The following CCND2 variants were observed in gnomAD, a reference collection of about 807,000 sequenced individuals.
CCND2 encodes the protein cyclin D2, also known as G1/S-specific cyclin-D2.
Under a neutral mutation model 30.2 loss-of-function variants are expected in CCND2, and 6 were observed. That is an observed-to-expected ratio of 0.20 (90% CI 0.11 to 0.39). The LOEUF (loss-of-function observed/expected upper bound fraction) is 0.39, where lower values mean the gene tolerates loss of function less well. Ranked by LOEUF, CCND2 falls within the 10% of genes least tolerant of loss-of-function variation. The pLI is 1.00. For missense variants in CCND2, 235 were observed against 373.4 expected (o/e 0.63, Z 3.06); for synonymous variants, 150 against 153.1 (o/e 0.98, Z 0.15).
In CCND2 at chr12:4,273,951, C is replaced by T; in HGVS notation, c.-90C>T. The T allele has an allele frequency of 1.6e-6, 2 of 1,276,308 alleles. No individual in the cohort carries two copies. Among genetic ancestry groups the T allele is most frequent in the Non-Finnish European group, 2.1e-6 (2 of 930,402 alleles). The allele number at this position is 1,276,308 out of a possible 1,614,324, so 79.1% of individuals were successfully genotyped here. ...AGCCAAAGGAAGGAGGTCAGGGGAA[C>T]GCTCTCCCCTCCCCTTCCAAAAAAC... On this transcript the variant is annotated 5_prime_UTR_variant, in exon 1 of 5. It adds an upstream start codon to the 5' untranslated region. Coordinates refer to ENST00000261254, the MANE Select transcript of CCND2 (RefSeq NM_001759.4). This position sits in a 1 kb window ranked among gnomAD's most constrained non-coding sequence, Gnocchi z 5.9.
At chr12:4,280,365 C>T (rs1863932049) in intron 3 of CCND2, among the ~76,000 whole-genome samples, 1 of 152,238 alleles carries the variant, frequency 6.6e-6, no homozygotes, top group African/African-American at 2.4e-5. Flanking sequence ...GTGTGGAGTC[C>T]TCCCGGCCCC....
rs772219810 is a variant in CCND2 at position 4,301,472 on chromosome 12, CT to C, written c.*1479del. 0.1 allele frequency: 19,785 copies of C among 195,892 alleles called. No individual in the cohort carries two copies. The highest frequency in any genetic ancestry group is 0.21 in the East Asian group (2,686 of 12,766). The allele number at this position is 195,892 out of a possible 1,614,324, so 12.1% of individuals were successfully genotyped here. ...GTTAGCAAAGAGGTTGGAGCAACAA[CT>C]TTTTTTTTTTTTTTTGCACAATTGT... On this transcript the variant is annotated 3_prime_UTR_variant, in exon 5 of 5. Transcript: ENST00000261254.
At chr12:4,297,517 G>A (rs928022282) in intron 4 of CCND2, among the ~76,000 whole-genome samples, 5 of 135,672 alleles carry the variant, frequency 3.7e-5, no homozygotes, top group African/African-American at 1.4e-4. Flanking sequence ...GTTGCAGTGA[G>A]CCAAGATTGT....
intron 2 of CCND2, among the ~76,000 whole-genome samples, chr12:4,277,439 G>A (rs1209964320): frequency 3.9e-5 from 6 of 152,218 alleles, no homozygotes; most frequent in Non-Finnish European, 8.8e-5. Flanking sequence ...AGCTTATGAA[G>A]AAAACATTGT....
Position 4,291,207 on chromosome 12 carries a change from C to CTGTGTGTGTGTGTGTGTGTATGTGTG in CCND2, c.720+2236_720+2237insATGTGTGTGTGTGTGTGTGTGTGTGT, listed in dbSNP as rs1864096142. 4.3e-5 allele frequency among the ~76,000 whole-genome samples: 6 copies of CTGTGTGTGTGTGTGTGTGTATGTGTG among 138,716 alleles called. No homozygotes were observed. In the Admixed American group the frequency reaches 4.5e-4, roughly 10 times the overall value. The allele number at this position is 138,716 out of a possible 152,430, so 91.0% of individuals were successfully genotyped here. ...AAGGTTCAAGCAGCTCTGGGCTAGG[C>CTGTGTGTGTGTGTGTGTGTATGTGTG]TGTGTGTGTGTGTGTGTGTGTGTGT... is the stretch of plus-strand genomic sequence containing the variant. On this transcript the variant is annotated intron_variant, in intron 4 of 4. Coordinates refer to ENST00000261254, the MANE Select transcript of CCND2 (RefSeq NM_001759.4).
At chr12:4,290,290 A>G (rs1013572498) in intron 4 of CCND2, among the ~76,000 whole-genome samples, 26 of 152,206 alleles carry the variant, frequency 1.7e-4, no homozygotes, top group Admixed American at 7.9e-4. Context: ...CCTCTGAGAT[A>G]GTTCGTAGAT....
Position 4,301,744 on chromosome 12 carries a change from A to C in CCND2, c.*1735A>C, listed in dbSNP as rs1864253116. 1 of 224,770 alleles carries C rather than the reference A, an allele frequency of 4.4e-6. No individual in the cohort carries two copies. Among genetic ancestry groups the C allele is most frequent in the African/African-American group, 2.3e-5 (1 of 44,442 alleles). 13.9% of individuals were successfully genotyped at this position (224,770 alleles called of 1,614,324 possible). ...GTCATCCATCCTTATTCACGTTGAC[A>C]GTACCTAGCTGTAATGTTTCACAGA... On this transcript the variant is annotated 3_prime_UTR_variant, in exon 5 of 5. Coordinates refer to ENST00000261254, the MANE Select transcript of CCND2 (RefSeq NM_001759.4).
At position 4,285,524 on chromosome 12, in the gene CCND2, G is replaced by A. The variant is rs577237586; in HGVS notation, c.572-3318G>A. 5.4e-5 allele frequency: 33 copies of A among 616,018 alleles called. No homozygotes were observed. Among genetic ancestry groups the A allele is most frequent in the South Asian group, 7.2e-5 (1 of 13,852 alleles). The allele number at this position is 616,018 out of a possible 1,614,324, so 38.2% of individuals were successfully genotyped here. Reference sequence around the variant, plus strand: ...CCTAACAGAACAGCTTTTATTTTCCGTGCATCCTTCCAGTTCATCCATAGG... The same window carrying A: ...CCTAACAGAACAGCTTTTATTTTCCATGCATCCTTCCAGTTCATCCATAGG... On this transcript the variant is annotated intron_variant, in intron 3 of 4. Coordinates refer to ENST00000261254, the MANE Select transcript of CCND2 (RefSeq NM_001759.4). This position sits in a 1 kb window ranked among gnomAD's most constrained non-coding sequence, Gnocchi z 4.1.
At chr12:4,292,293 C>T (rs1482147358) in intron 4 of CCND2, among the ~76,000 whole-genome samples, 1 of 152,058 alleles carries the variant, frequency 6.6e-6, no homozygotes, top group Non-Finnish European at 1.5e-5. Context: ...CCACATTTTG[C>T]CCCCTGGCCC....
At chr12:4,278,433 G>A (rs1306742015) in intron 2 of CCND2, among the ~76,000 whole-genome samples, 2 of 152,174 alleles carry the variant, frequency 1.3e-5, no homozygotes, top group Non-Finnish European at 2.9e-5. Context: ...TTTCTGGGTG[G>A]GCGGGAAGCA....
intron 4 of CCND2, among the ~76,000 whole-genome samples, chr12:4,294,048 C>T (rs1238302670): frequency 1.3e-5 from 2 of 152,166 alleles, no homozygotes; most frequent in African/African-American, 4.8e-5. Context: ...GGGTCTGGGG[C>T]TCATTCAGCC....
rs1040032783 is a variant in CCND2 at position 4,278,611 on chromosome 12, A to G, written c.412-149A>G. On this transcript the variant is annotated intron_variant, in intron 2 of 4. Transcript: ENST00000261254. ...TCAACAACTTCAAAGCTTCAGGGGC[A>G]CATTGACAAATGGGCCCGCCTTACA... The G allele has an allele frequency of 5.0e-6, 3 of 604,838 alleles. No homozygotes were observed. The African/African-American group carries it at 5.6e-5, about 11-fold the overall frequency. 37.5% of individuals were successfully genotyped at this position (604,838 alleles called of 1,614,324 possible). A position where few individuals can be genotyped will look rare whatever the true frequency, so the allele number is the denominator to read the frequency against.
At chr12:4,277,560 A>G (rs1012764753) in intron 2 of CCND2, among the ~76,000 whole-genome samples, 1 of 152,372 alleles carries the variant, frequency 6.6e-6, no homozygotes, top group African/African-American at 2.4e-5. Flanking sequence ...AGGACACCCA[A>G]ATCTTTCCAG....
chr12:4,290,490 G>C (rs1382930001), intron 4 of CCND2, among the ~76,000 whole-genome samples: 1 of 152,182 alleles, frequency 6.6e-6, no homozygotes, highest in Non-Finnish European at 1.5e-5. Context: ...AATTAAGGCT[G>C]CCTTACAAAT....
At chr12:4,289,870 A>G (rs3217859) in intron 4 of CCND2, among the ~76,000 whole-genome samples, 125,937 of 152,110 alleles carry the variant, frequency 0.83, 52,275 homozygotes, top group Middle Eastern at 0.93. Flanking sequence ...CCAGGCTCCG[A>G]CTGCCCCCTG....
At chr12:4,277,878 T>C (rs1403379016) in intron 2 of CCND2, among the ~76,000 whole-genome samples, 1 of 152,256 alleles carries the variant, frequency 6.6e-6, no homozygotes, top group East Asian at 1.9e-4. Flanking sequence ...TACGATATTT[T>C]TAATGTTTTA....
In CCND2 at chr12:4,288,969, T is replaced by C. The variant is rs915300093; in HGVS notation, c.699T>C (p.Ala233=). The part of the protein sequence containing the change: ...LTCDALTELL[A]KITNTDVDCL... Reference sequence around the variant, plus strand: ...GTGATGCCCTGACTGAGCTGCTGGCTAAGATCACCAACACAGACGTGGTAG... The same window carrying C: ...GTGATGCCCTGACTGAGCTGCTGGCCAAGATCACCAACACAGACGTGGTAG... Residue 233 remains alanine, a synonymous_variant, in exon 4 of 5, where the codon GCT becomes GCC. Transcript: ENST00000261254. The C allele has an allele frequency of 6.2e-7, 1 of 1,613,338 alleles. No individual in the cohort carries two copies. Among genetic ancestry groups the C allele is most frequent in the Non-Finnish European group, 8.5e-7 (1 of 1,179,652 alleles).
chr12:4,297,570 C>CAAAA (rs71061177), intron 4 of CCND2, among the ~76,000 whole-genome samples: 4 of 74,778 alleles, frequency 5.3e-5, no homozygotes, highest in East Asian at 1.2e-3. Context: ...CACTCTGTCT[C>CAAAA]AAAAAAAAAA....
rs752825112 is a variant in CCND2 at position 4,299,838 on chromosome 12, C to G, written c.721-22C>G. 1.9e-5 allele frequency: 30 copies of G among 1,607,506 alleles called. No individual in the cohort carries two copies. Among genetic ancestry groups the G allele is most frequent in the Non-Finnish European group, 2.6e-5 (30 of 1,175,466 alleles). Reference sequence around the variant, plus strand: ...TGTCCTGTTCCTCTTACTAACAACTCTGGTCTGGACCATTGTTCTAGGATT... The same window carrying G: ...TGTCCTGTTCCTCTTACTAACAACTGTGGTCTGGACCATTGTTCTAGGATT... On this transcript the variant is annotated intron_variant, in intron 4 of 4. Coordinates refer to ENST00000261254, the MANE Select transcript of CCND2 (RefSeq NM_001759.4). The surrounding 1 kb of genome is among the most constrained non-coding windows in gnomAD (Gnocchi z 5.2).
Sources: gnomAD v4.1 joint callset for allele counts (sites outside exome capture counted in the v4.1 genomes callset) on GRCh38, gnomAD v4.1.1 for gene constraint, Gnocchi (gnomAD v3.1) non-coding constraint, MANE v1.5 for transcripts, NCBI Gene and HGNC (gene_info 2026-07-23, HGNC 2026-07-21) for gene names.